ALG12: variants seen among roughly 807,000 people sequenced by gnomAD.
The protein encoded by ALG12 is ALG12 alpha-1,6-mannosyltransferase.
ALG12 carries 36 observed loss-of-function variants against 46.0 expected under a neutral mutation model. That is an observed-to-expected ratio of 0.78 (90% CI 0.60 to 1.03). ALG12 has a LOEUF of 1.03. Among genes scored for constraint, ALG12 ranks in the 50% least tolerant of loss-of-function variants. The pLI, the probability that ALG12 is intolerant of heterozygous loss-of-function variation, is 0.00. For synonymous variants in ALG12, 326 were observed against 291.6 expected (o/e 1.12, Z -1.20); for missense variants, 599 against 633.5 (o/e 0.95, Z 0.58).
chr22:49,916,390 A>G (rs865997122), intron 1 of ALG12, among the ~76,000 whole-genome samples: 1 of 152,222 alleles, frequency 6.6e-6, no homozygotes, highest in Middle Eastern at 3.4e-3. Context: ...AGACCAGCCT[A>G]GCCAGCATGG....
chr22:49,898,162 G>A (rs1356325175), downstream of ALG12, among the ~76,000 whole-genome samples: 1 of 151,782 alleles, frequency 6.6e-6, no homozygotes, highest in African/African-American at 2.4e-5. Flanking sequence ...CATCACACCT[G>A]AATAAATTTT....
At chr22:49,860,591 T>C in the ALG12 span, among the ~76,000 whole-genome samples, 76 of 152,110 alleles carry the variant, frequency 5.0e-4, no homozygotes, top group African/African-American at 1.8e-3. Context: ...TTATTTTTTA[T>C]TTTATTTATT....
chr22:49,884,628 G>A, the ALG12 span: 1 of 1,612,796 alleles, frequency 6.2e-7, no homozygotes, highest in Non-Finnish European at 8.5e-7. Context: ...GGAAGGACCT[G>A]GGCACGAGCT....
At chr22:49,884,330 C>T in the ALG12 span, 1 of 1,613,794 alleles carries the variant, frequency 6.2e-7, no homozygotes, top group Non-Finnish European at 8.5e-7. Flanking sequence ...GATCGAATAA[C>T]AGAGGAGTCT....
At chr22:49,859,452 C>T in the ALG12 span, among the ~76,000 whole-genome samples, 103 of 152,266 alleles carry the variant, frequency 6.8e-4, no homozygotes, top group Non-Finnish European at 1.3e-3. Flanking sequence ...CTTTTCACTC[C>T]ATACGTGGTC....
downstream of ALG12, among the ~76,000 whole-genome samples, chr22:49,900,064 T>C (rs1474470968): frequency 6.6e-6 from 1 of 152,028 alleles, no homozygotes; most frequent in Non-Finnish European, 1.5e-5. Flanking sequence ...CTTGGGAGGC[T>C]GAGGTGGGAG....
At chr22:49,883,029 A>G in the ALG12 span, among the ~76,000 whole-genome samples, 3 of 152,242 alleles carry the variant, frequency 2.0e-5, no homozygotes, top group Non-Finnish European at 4.4e-5. Context: ...TGTTTGAAGG[A>G]TGAGGGCATA....
the ALG12 span, chr22:49,887,831 A>G: frequency 6.0e-6 from 1 of 167,262 alleles, no homozygotes; most frequent in Non-Finnish European, 1.5e-5. Flanking sequence ...CAGGCTTTAC[A>G]TGGTCAGTTA....
the ALG12 span, among the ~76,000 whole-genome samples, chr22:49,879,891 GCC>G: frequency 2.0e-5 from 2 of 102,182 alleles, no homozygotes. Context: ...CAGTGTCTGG[GCC>G]TGTTTCTATT....
chr22:49,899,202 G>A, downstream of ALG12, among the ~76,000 whole-genome samples: 1 of 152,192 alleles, frequency 6.6e-6, no homozygotes, highest in East Asian at 1.9e-4. Flanking sequence ...GCCGGGCACA[G>A]TGGTTCACAC....
chr22:49,907,730 C>T lies in ALG12; in HGVS notation c.983G>A (p.Cys328Tyr), dbSNP rs1371150654. Reference sequence around the variant, plus strand: ...CAAAAAGAGCACTCACAGGTAGGAGCAGCCTCTGGCAGCCGTGATGTTGAG... The same window carrying T: ...CAAAAAGAGCACTCACAGGTAGGAGTAGCCTCTGGCAGCCGTGATGTTGAG... The part of the protein sequence containing the change: ...PMLNITAARG[C>Y]SYLLNNYKKS... Residue 328 changes from cysteine to tyrosine, a missense_variant, in exon 7 of 10, where the codon TGC (cysteine) becomes TAC (tyrosine). Coordinates refer to ENST00000330817, the MANE Select transcript of ALG12 (RefSeq NM_024105.4). The T allele has an allele frequency of 6.2e-7, 1 of 1,613,862 alleles. No homozygotes were observed. The highest frequency in any genetic ancestry group is 1.3e-5 in the African/African-American group (1 of 74,912).
the ALG12 span, among the ~76,000 whole-genome samples, chr22:49,879,077 G>A: frequency 2.3e-4 from 35 of 150,940 alleles, no homozygotes; most frequent in Non-Finnish European, 4.1e-4. Context: ...CTGGGGAGGT[G>A]GAGGTTGCAG....
the ALG12 span, among the ~76,000 whole-genome samples, chr22:49,871,102 G>A: frequency 6.6e-6 from 1 of 151,942 alleles, no homozygotes; most frequent in South Asian, 2.1e-4. Flanking sequence ...CACAATGCCT[G>A]GCTAATATAT....
the ALG12 span, among the ~76,000 whole-genome samples, chr22:49,881,029 C>T: frequency 6.6e-6 from 1 of 152,152 alleles, no homozygotes; most frequent in East Asian, 1.9e-4. Context: ...TGCTTTTGGA[C>T]ATTATATGTG....
At chr22:49,870,654 T>C in the ALG12 span, among the ~76,000 whole-genome samples, 3 of 152,176 alleles carry the variant, frequency 2.0e-5, no homozygotes, top group Non-Finnish European at 2.9e-5. Context: ...TGTCCTTTGC[T>C]TGCTTTTTAA....
At chr22:49,913,342 C>G (rs762662182) in intron 3 of ALG12, 43 bp downstream of exon 3, 1 of 1,612,174 alleles carries the variant, frequency 6.2e-7, no homozygotes, top group Non-Finnish European at 8.5e-7. Context: ...CCGATGACAC[C>G]ACAGTCCCTC....
chr22:49,872,988 G>A, the ALG12 span, among the ~76,000 whole-genome samples: 5 of 152,076 alleles, frequency 3.3e-5, no homozygotes, highest in Admixed American at 2.0e-4. Context: ...GAACTACCGC[G>A]CCCAGCCAAT....
intron 1 of ALG12, among the ~76,000 whole-genome samples, chr22:49,915,049 C>T (rs1016203066): frequency 3.9e-5 from 6 of 152,076 alleles, no homozygotes; most frequent in South Asian, 2.1e-4. Flanking sequence ...TTTGATCAAA[C>T]GGAGAGTTAA....
the ALG12 span, chr22:49,888,378 A>G: frequency 4.8e-5 from 8 of 167,326 alleles, no homozygotes; most frequent in South Asian, 8.3e-4. Flanking sequence ...TGCATTGACT[A>G]TGTTTTAGTG....
Sources: allele counts gnomAD v4.1 joint callset (sites outside exome capture counted in the v4.1 genomes callset), GRCh38; gene constraint gnomAD v4.1.1; transcripts MANE v1.5; gene names NCBI Gene and HGNC (gene_info 2026-07-23, HGNC 2026-07-21).